The following CEP350 variants were observed in gnomAD, a reference collection of about 807,000 sequenced individuals.
CEP350 encodes the protein centrosomal protein 350, also known as centrosome-associated protein 350.
CEP350 carries 126 observed loss-of-function variants against 331.8 expected under a neutral mutation model. That is an observed-to-expected ratio of 0.38 (90% CI 0.33 to 0.44). The LOEUF (loss-of-function observed/expected upper bound fraction) is 0.44. CEP350 is among the 20% of genes least tolerant of loss of function. The probability of loss-of-function intolerance (pLI) is 1.00; values close to 1 mark genes in which losing one functional copy is unlikely to be tolerated. For synonymous variants in CEP350, 1,200 were observed against 1,259.5 expected, an observed-to-expected ratio of 0.95 and a Z score of 1.00; for missense variants, 3,406 against 3,634.6, an observed-to-expected ratio of 0.94 and a Z score of 1.62.
In CEP350 at chr1:179,986,228, A is replaced by G; in HGVS notation, c.47A>G (p.Asn16Ser). Residue 16 changes from asparagine to serine, a missense_variant, in exon 2 of 38, where the codon AAC (asparagine) becomes AGC (serine). Around this residue, in one of 5 missense-constraint regions of CEP350, gnomAD observed 1,857 missense variants for 1,909.2 expected, o/e 0.97. Coordinates refer to ENST00000367607, the MANE Select transcript of CEP350 (RefSeq NM_014810.5). ...GAGGTGCCTTTACCAAATCCAAGGA[A>G]CTCTCAAAGCAAGGATACTGTTCAA... is the stretch of plus-strand genomic sequence containing the variant. Reference protein sequence around the residue: ...SKEVPLPNPRNSQSKDTVQAD... With the variant: ...SKEVPLPNPRSSQSKDTVQAD... 1 of 1,550,918 alleles carries G rather than the reference A, an allele frequency of 6.4e-7. No homozygotes were observed.
intron 27 of CEP350, among the ~76,000 whole-genome samples, chr1:180,072,026 T>C (rs1223219912): frequency 6.6e-6 from 1 of 152,176 alleles, no homozygotes. Context: ...TGAAGGATTA[T>C]TAATTCTATT....
In CEP350 at chr1:180,092,620, C is replaced by T; in HGVS notation, c.6515C>T (p.Ser2172Leu). The change falls in exon 34 of 38, where the codon TCA becomes TTA. Residue 2172 changes from serine to leucine, a missense_variant. Ser to Leu is a moderately radical substitution (Grantham distance 145). Coordinates refer to ENST00000367607, the MANE Select transcript of CEP350 (RefSeq NM_014810.5). The stretch of plus-strand genomic sequence containing the variant: ...GATTTGTTTTTTCTTTAAGATGCTT[C>T]ACTGTCTGGTTCTGAGAGATCAGTA... The part of the protein sequence containing the change: ...LESIAEHVDA[S>L]LSGSERSVSE... 6.6e-7 allele frequency: 1 copy of T among 1,523,514 alleles called. No individual in the cohort carries two copies. Among genetic ancestry groups the T allele is most frequent in the Middle Eastern group, 1.8e-4 (1 of 5,526 alleles). 94.4% of individuals were successfully genotyped at this position (1,523,514 alleles called of 1,614,324 possible).
chr1:180,005,484 C>T lies in CEP350; in HGVS notation c.1133-970C>T, dbSNP rs561173591. Among the ~76,000 whole-genome samples, 113 of 152,200 alleles carry T rather than the reference C, an allele frequency of 7.4e-4. 1 individual carries two copies. Among genetic ancestry groups the T allele is most frequent in the African/African-American group, 2.7e-3 (111 of 41,516 alleles). On this transcript the variant is annotated intron_variant, in intron 7 of 37. Transcript: ENST00000367607. ...TCACTTTCACCACTTCCATTACCAC[C>T]ACCTAGATCGAGGCCACCATCAGTT...
chr1:179,994,689 A>G (rs1026614285), intron 5 of CEP350, among the ~76,000 whole-genome samples: 2 of 152,146 alleles, frequency 1.3e-5, no homozygotes, highest in Middle Eastern at 3.4e-3. Flanking sequence ...CCTGGGCTCA[A>G]GCAATCTGCC....
chr1:180,030,440 A>G (rs1470599930), intron 14 of CEP350, among the ~76,000 whole-genome samples: 1 of 151,080 alleles, frequency 6.6e-6, no homozygotes, highest in Admixed American at 6.6e-5. Flanking sequence ...TGCTTTTTTT[A>G]AAAGGTAATA....
At chr1:180,064,092 T>C (rs993894877) in intron 26 of CEP350, among the ~76,000 whole-genome samples, 2 of 152,134 alleles carry the variant, frequency 1.3e-5, no homozygotes, top group Non-Finnish European at 2.9e-5. Context: ...ACTCCCCAAG[T>C]TGGGCTATTC....
intron 1 of CEP350, among the ~76,000 whole-genome samples, chr1:179,977,889 C>T (rs892484212): frequency 3.3e-5 from 5 of 151,170 alleles, no homozygotes; most frequent in Non-Finnish European, 7.4e-5. Flanking sequence ...ATTCTGTAAG[C>T]TTTTGTTCAA....
At chr1:179,982,322 C>T (rs1571813232) in intron 1 of CEP350, among the ~76,000 whole-genome samples, 1 of 152,290 alleles carries the variant, frequency 6.6e-6, no homozygotes, top group East Asian at 1.9e-4. Context: ...ACTCTTGTTT[C>T]TGGCATTCTT....
At position 180,113,050 on chromosome 1, in the gene CEP350, T is replaced by C. The variant is rs1398288360; in HGVS notation, c.*1889T>C. On this transcript the variant is annotated 3_prime_UTR_variant, in exon 38 of 38. Coordinates refer to ENST00000367607, the MANE Select transcript of CEP350 (RefSeq NM_014810.5). ...TAGTCTTGTAGCCATAATGAGCAAA[T>C]TGACTAAGAGAAGCAAAGGTTTCTT... The C allele has an allele frequency of 1.3e-5, 2 of 152,616 alleles. No homozygotes were observed. The highest frequency in any genetic ancestry group is 4.8e-5 in the African/African-American group (2 of 41,430). The allele number at this position is 152,616 out of a possible 1,614,324, so 9.5% of individuals were successfully genotyped here.
chr1:180,024,467 T>C lies in CEP350; in HGVS notation c.3435T>C (p.Tyr1145=). The C allele has an allele frequency of 1.2e-6, 2 of 1,613,276 alleles. No individual in the cohort carries two copies. Among genetic ancestry groups the C allele is most frequent in the East Asian group, 4.5e-5 (2 of 44,838 alleles). ...QEDHSNRKSA[Y]DPSSVDVTSQ... ...ACCATTCTAACAGAAAGTCTGCCTA[T>C]GATCCTTCCTCTGTGGATGTTACCT... is the stretch of plus-strand genomic sequence containing the variant. The change falls in exon 14 of 38, where the codon TAT becomes TAC. Residue 1145 remains tyrosine (Y), a synonymous_variant. Transcript: ENST00000367607.
chr1:179,998,378 G>A (rs184963501), intron 6 of CEP350, among the ~76,000 whole-genome samples: 2 of 146,238 alleles, frequency 1.4e-5, no homozygotes, highest in Non-Finnish European at 3.0e-5. Flanking sequence ...GCATGATCTC[G>A]GCCCACTGCA....
At chr1:180,079,362 T>C (rs1214728180) in intron 29 of CEP350, among the ~76,000 whole-genome samples, 1 of 152,012 alleles carries the variant, frequency 6.6e-6, no homozygotes, top group Non-Finnish European at 1.5e-5. Context: ...GAATGGAATA[T>C]TCTTTGTTGG....
chr1:179,961,428 A>T (rs1340257979), intron 1 of CEP350, among the ~76,000 whole-genome samples: 1 of 152,174 alleles, frequency 6.6e-6, no homozygotes, highest in Non-Finnish European at 1.5e-5. Flanking sequence ...AGCCAGGGCG[A>T]CAGAGAGACT....
intron 33 of CEP350, among the ~76,000 whole-genome samples, chr1:180,091,966 G>A (rs570125326): frequency 5.9e-5 from 9 of 151,566 alleles, no homozygotes; most frequent in African/African-American, 2.2e-4. Context: ...GCTAAGGATC[G>A]CTTGAGCCCA....
At chr1:180,045,761 G>C (rs1017227528) in intron 21 of CEP350, among the ~76,000 whole-genome samples, 1 of 152,058 alleles carries the variant, frequency 6.6e-6, no homozygotes, top group Non-Finnish European at 1.5e-5. Context: ...TAGCCAATTT[G>C]GTTATTCACC....
At chr1:180,110,938 A>G (rs184129181) in intron 37 of CEP350, 59 bp from the exon 38 acceptor site, 51 of 1,454,584 alleles carry the variant, frequency 3.5e-5, no homozygotes, top group South Asian at 1.4e-4. Context: ...GTCAGCAATT[A>G]TATTTTCTAG....
intron 1 of CEP350, among the ~76,000 whole-genome samples, chr1:179,978,383 T>G (rs1652028167): frequency 1.3e-5 from 2 of 152,234 alleles, no homozygotes; most frequent in Admixed American, 1.3e-4. Context: ...CACTTGTTTG[T>G]GTTGGGGACA....
chr1:179,995,988 G>T (rs1653430668), intron 5 of CEP350, among the ~76,000 whole-genome samples: 1 of 152,146 alleles, frequency 6.6e-6, no homozygotes, highest in Non-Finnish European at 1.5e-5. Context: ...ATTTTATAGA[G>T]TAGCAAATAA....
intron 22 of CEP350, chr1:180,052,394 T>G (rs1657567304): frequency 7.2e-5 from 25 of 345,996 alleles, no homozygotes; most frequent in South Asian, 5.5e-4. Context: ...GAGCTCTTTG[T>G]AGAAATAGCT....
Sources: allele counts gnomAD v4.1 joint callset (sites outside exome capture counted in the v4.1 genomes callset), GRCh38; gene constraint gnomAD v4.1.1; regional missense constraint gnomAD v4.1.1; transcripts MANE v1.5; gene names NCBI Gene and HGNC (gene_info 2026-07-23, HGNC 2026-07-21).